CSMD1: variants seen among roughly 807,000 people sequenced by gnomAD.
CSMD1 encodes CUB and sushi domain-containing protein 1.
Under a neutral mutation model 417.5 loss-of-function variants are expected in CSMD1, and 213 were observed. The ratio of observed to expected loss-of-function variants is 0.51; its 90% confidence interval spans 0.46 to 0.57. CSMD1 has a LOEUF of 0.57. CSMD1 is among the 20% of genes least tolerant of loss of function. The pLI is 0.00. For missense variants in CSMD1, 6,923 were observed against 4,529.7 expected (o/e 1.53, Z -15.17); for synonymous variants, 2,862 against 1,736.8 (o/e 1.65, Z -16.11).
At chr8:4,578,640 C>T (rs935202256) in intron 2 of CSMD1, among the ~76,000 whole-genome samples, 3 of 150,660 alleles carry the variant, frequency 2.0e-5, no homozygotes, top group African/African-American at 2.4e-5. Context: ...CATGGTGAAA[C>T]CCCATCTCTA....
At chr8:3,717,705 T>G (rs972419449) in intron 6 of CSMD1, among the ~76,000 whole-genome samples, 8 of 152,216 alleles carry the variant, frequency 5.3e-5, no homozygotes, top group Non-Finnish European at 7.4e-5. Context: ...CACTTAATAT[T>G]GGTAGAATAA....
chr8:3,116,976 T>C (rs1816911932), intron 42 of CSMD1, among the ~76,000 whole-genome samples: 1 of 152,158 alleles, frequency 6.6e-6, no homozygotes, highest in South Asian at 2.1e-4. Flanking sequence ...AAATTAATTT[T>C]AAGTGCTATT....
intron 10 of CSMD1, among the ~76,000 whole-genome samples, chr8:3,518,462 A>C (rs1210662230): frequency 1.3e-5 from 2 of 152,224 alleles, no homozygotes. Flanking sequence ...CATAGAAACA[A>C]TATTGCTTTT....
chr8:3,127,227 T>C (rs899885008), intron 41 of CSMD1, among the ~76,000 whole-genome samples: 1 of 152,164 alleles, frequency 6.6e-6, no homozygotes. Flanking sequence ...AGCACTTTCA[T>C]GCAAAAGAGG....
At chr8:3,549,162 T>C (rs1798803854) in intron 10 of CSMD1, among the ~76,000 whole-genome samples, 1 of 152,210 alleles carries the variant, frequency 6.6e-6, no homozygotes, top group South Asian at 2.1e-4. Context: ...GTCTGCAAAC[T>C]ACAGCTCACG....
intron 20 of CSMD1, among the ~76,000 whole-genome samples, chr8:3,361,949 T>C (rs773161595): frequency 6.6e-6 from 1 of 152,330 alleles, no homozygotes; most frequent in East Asian, 1.9e-4. Flanking sequence ...ATCATTATTA[T>C]ACAAAGTATA....
intron 2 of CSMD1, among the ~76,000 whole-genome samples, chr8:4,456,573 G>C (rs1799501312): frequency 6.6e-6 from 1 of 152,164 alleles, no homozygotes; most frequent in Non-Finnish European, 1.5e-5. Context: ...AAACAGCCCT[G>C]TCTTCTCACA....
chr8:3,118,624 T>C (rs2129019196), intron 41 of CSMD1, 37 bp from the exon 42 acceptor site: 1 of 1,587,214 alleles, frequency 6.3e-7, no homozygotes, highest in Non-Finnish European at 8.6e-7. Context: ...AGCTTATATT[T>C]GTGAGGTTAA....
chr8:4,299,649 C>T (rs186290001), intron 3 of CSMD1, among the ~76,000 whole-genome samples: 2,657 of 152,232 alleles, frequency 0.017, 43 homozygotes, highest in Non-Finnish European at 0.026. Context: ...TCTTTTCTTT[C>T]TTTGAGATGG....
intron 3 of CSMD1, among the ~76,000 whole-genome samples, chr8:4,172,307 G>C (rs890493590): frequency 5.9e-5 from 9 of 152,032 alleles, no homozygotes; most frequent in Non-Finnish European, 1.2e-4. Flanking sequence ...CACTGAGCAG[G>C]TGTGGCTACC....
chr8:4,136,786 G>C (rs867144215), intron 3 of CSMD1, among the ~76,000 whole-genome samples: 1 of 152,090 alleles, frequency 6.6e-6, no homozygotes, highest in South Asian at 2.1e-4. Flanking sequence ...TAGTTTGTTG[G>C]ACTCAATAAT....
chr8:3,999,512 G>A (rs983579196), intron 4 of CSMD1, among the ~76,000 whole-genome samples: 1 of 152,120 alleles, frequency 6.6e-6, no homozygotes, highest in Admixed American at 6.5e-5. Context: ...CAATCTTGTC[G>A]GCAACAGTAA....
Position 3,897,205 on chromosome 8 carries a change from C to G in CSMD1, c.818+100698G>C, listed in dbSNP as rs536382057. 1.5e-4 allele frequency among the ~76,000 whole-genome samples: 23 copies of G among 152,196 alleles called. No individual in the cohort carries two copies. The South Asian group carries it at 4.8e-3, about 32-fold the overall frequency. ...TAGCACAATGGTGTCAAGAAGTTATCAAAACAAAGGAGTGAGATGACACAG... is the reference window on the plus strand; with the variant it reads ...TAGCACAATGGTGTCAAGAAGTTATGAAAACAAAGGAGTGAGATGACACAG... On this transcript the variant is annotated intron_variant, in intron 5 of 69. Coordinates refer to ENST00000635120, the MANE Select transcript of CSMD1 (RefSeq NM_033225.6).
chr8:3,869,976 CAAT>C (rs1373209278), intron 5 of CSMD1, among the ~76,000 whole-genome samples: 1 of 151,686 alleles, frequency 6.6e-6, no homozygotes, highest in Non-Finnish European at 1.5e-5. Flanking sequence ...TTTAAAATTA[CAAT>C]AATAATACAT....
At chr8:3,208,429 G>A (rs1321690358) in intron 30 of CSMD1, among the ~76,000 whole-genome samples, 1 of 152,078 alleles carries the variant, frequency 6.6e-6, no homozygotes, top group Non-Finnish European at 1.5e-5. Context: ...ACCACACACA[G>A]CTAATTTTTG....
intron 54 of CSMD1, among the ~76,000 whole-genome samples, chr8:2,984,348 AC>A: frequency 6.6e-6 from 1 of 151,754 alleles, no homozygotes; most frequent in East Asian, 1.9e-4. Flanking sequence ...CTATTTATTT[AC>A]TTTTTCTTTT....
intron 1 of CSMD1, among the ~76,000 whole-genome samples, chr8:4,874,447 T>G (rs1802920987): frequency 6.8e-6 from 1 of 147,084 alleles, no homozygotes; most frequent in Non-Finnish European, 1.5e-5. Flanking sequence ...TGGCATGCAG[T>G]GTTCCATTCT....
chr8:4,011,503 T>A (rs1816531936), intron 4 of CSMD1, among the ~76,000 whole-genome samples: 1 of 152,122 alleles, frequency 6.6e-6, no homozygotes, highest in Non-Finnish European at 1.5e-5. Context: ...CCCACTTGAG[T>A]CAGAGTTTCA....
chr8:4,805,282 C>A (rs80253666), intron 1 of CSMD1, among the ~76,000 whole-genome samples: 1 of 152,156 alleles, frequency 6.6e-6, no homozygotes, highest in Admixed American at 6.5e-5. Context: ...TTTAGTATAT[C>A]TTTTTATTCT....
Sources: allele counts gnomAD v4.1 joint callset (sites outside exome capture counted in the v4.1 genomes callset), GRCh38; gene constraint gnomAD v4.1.1; transcripts MANE v1.5; gene names NCBI Gene and HGNC (gene_info 2026-07-23, HGNC 2026-07-21).